The following PLXNA4 variants were observed in gnomAD, a reference collection of about 807,000 sequenced individuals.
The protein encoded by PLXNA4 is plexin A4.
In PLXNA4, 44 loss-of-function variants were observed where a neutral mutation model predicts 191.8. The ratio of observed to expected loss-of-function variants is 0.23; its 90% confidence interval spans 0.18 to 0.29. The LOEUF (loss-of-function observed/expected upper bound fraction) is 0.29. PLXNA4 is among the 10% of genes least tolerant of loss of function. PLXNA4 has a pLI of 1.00. For missense variants in PLXNA4, 1,800 were observed against 2,488.8 expected (o/e 0.72, Z 5.89); for synonymous variants, 1,082 against 1,009.5 (o/e 1.07, Z -1.36).
At chr7:132,539,441 A>C (rs1799980047) in intron 1 of PLXNA4, among the ~76,000 whole-genome samples, 1 of 152,166 alleles carries the variant, frequency 6.6e-6, no homozygotes, top group Non-Finnish European at 1.5e-5. Context: ...CAGAAATGTA[A>C]ATCTCAGGCC....
chr7:132,432,717 G>C (rs1795312225), intron 3 of PLXNA4, among the ~76,000 whole-genome samples: 1 of 152,076 alleles, frequency 6.6e-6, no homozygotes, highest in Non-Finnish European at 1.5e-5. Context: ...TTTGGATAGT[G>C]CGTTCACTTT....
intron 9 of PLXNA4, among the ~76,000 whole-genome samples, chr7:132,212,022 T>C (rs905964269): frequency 2.6e-5 from 4 of 152,182 alleles, no homozygotes; most frequent in African/African-American, 7.2e-5. Context: ...GTCAGTATTC[T>C]AGCTCTTGCT....
At chr7:132,531,902 T>C (rs1482737027) in intron 1 of PLXNA4, among the ~76,000 whole-genome samples, 1 of 152,224 alleles carries the variant, frequency 6.6e-6, no homozygotes, top group Admixed American at 6.5e-5. Flanking sequence ...GGGAGGACAC[T>C]TTGAGAATCA....
chr7:132,598,229 C>G (rs1802753689), intron 2 of PLXNA4, among the ~76,000 whole-genome samples: 1 of 152,172 alleles, frequency 6.6e-6, no homozygotes, highest in Admixed American at 6.5e-5. Flanking sequence ...CTGCCTTGGC[C>G]TCCCCAGTAG....
At chr7:132,516,577 T>C (rs74383847) in intron 1 of PLXNA4, among the ~76,000 whole-genome samples, 1,583 of 152,312 alleles carry the variant, frequency 0.01, 28 homozygotes, top group African/African-American at 0.036. Context: ...CATGCACTCC[T>C]GTATTCAGCC....
intron 11 of PLXNA4, 116 bp from the exon 12 acceptor site, chr7:132,202,952 G>C (rs1280269136): frequency 5.3e-6 from 6 of 1,131,072 alleles, no homozygotes; most frequent in Non-Finnish European, 7.3e-6. Flanking sequence ...CACAAAGGCA[G>C]TTTTGCCCCC....
intron 24 of PLXNA4, among the ~76,000 whole-genome samples, chr7:132,163,337 G>A (rs1796005951): frequency 6.6e-6 from 1 of 152,214 alleles, no homozygotes; most frequent in South Asian, 2.1e-4. Flanking sequence ...TTCACTGCCT[G>A]TTCATCTTGT....
intron 24 of PLXNA4, among the ~76,000 whole-genome samples, chr7:132,161,239 C>CTAAA (rs1584778892): frequency 6.6e-6 from 1 of 152,250 alleles, no homozygotes; most frequent in African/African-American, 2.4e-5. Context: ...AGGCTGCCAC[C>CTAAA]TAAACGTAAT....
intron 1 of PLXNA4, among the ~76,000 whole-genome samples, chr7:132,559,409 C>T (rs1187874473): frequency 6.6e-6 from 1 of 152,094 alleles, no homozygotes; most frequent in Non-Finnish European, 1.5e-5. Context: ...GTAGATCCAT[C>T]GTTTCACTTG....
At chr7:132,200,320 T>C (rs1247173409) in intron 12 of PLXNA4, among the ~76,000 whole-genome samples, 3 of 152,114 alleles carry the variant, frequency 2.0e-5, no homozygotes, top group African/African-American at 7.2e-5. Flanking sequence ...TGGTTTCTTG[T>C]TGAGGGCTCT....
intron 4 of PLXNA4, among the ~76,000 whole-genome samples, chr7:132,289,301 A>T (rs972006223): frequency 2.0e-5 from 3 of 152,142 alleles, no homozygotes; most frequent in Admixed American, 2.0e-4. Context: ...CACCCTCACA[A>T]GGATCCTGAC....
intron 1 of PLXNA4, among the ~76,000 whole-genome samples, chr7:132,538,701 C>T (rs1486989067): frequency 6.6e-6 from 1 of 152,208 alleles, no homozygotes; most frequent in Non-Finnish European, 1.5e-5. Flanking sequence ...GCTGGAAGCA[C>T]CTTCAGGCCA....
chr7:132,590,625 G>A (rs1203183761), intron 2 of PLXNA4, among the ~76,000 whole-genome samples: 3 of 152,186 alleles, frequency 2.0e-5, no homozygotes, highest in Non-Finnish European at 4.4e-5. Context: ...AGCCAGTCTG[G>A]TCTTTCCACG....
At chr7:132,161,654 C>T (rs916421842) in intron 24 of PLXNA4, among the ~76,000 whole-genome samples, 9 of 151,850 alleles carry the variant, frequency 5.9e-5, no homozygotes, top group East Asian at 1.9e-4. Flanking sequence ...CTTCCAGGTG[C>T]GCATCTAGAA....
chr7:132,224,731 G>A (rs1226388873), intron 8 of PLXNA4, among the ~76,000 whole-genome samples: 2 of 152,172 alleles, frequency 1.3e-5, no homozygotes, highest in East Asian at 3.9e-4. Flanking sequence ...TGCCGCAAGA[G>A]GCAAGAGGAG....
At chr7:132,268,517 A>C (rs1799938851) in intron 4 of PLXNA4, among the ~76,000 whole-genome samples, 1 of 152,188 alleles carries the variant, frequency 6.6e-6, no homozygotes, top group African/African-American at 2.4e-5. Context: ...CACTTATGAA[A>C]AATTACCTGA....
chr7:132,395,001 C>CG (rs1793695768), intron 3 of PLXNA4, among the ~76,000 whole-genome samples: 1 of 152,238 alleles, frequency 6.6e-6, no homozygotes, highest in African/African-American at 2.4e-5. Flanking sequence ...CCTGCCTTTC[C>CG]GGGGCAGGTG....
intron 2 of PLXNA4, among the ~76,000 whole-genome samples, chr7:132,639,236 G>C (rs1803669149): frequency 6.6e-6 from 1 of 152,166 alleles, no homozygotes; most frequent in South Asian, 2.1e-4. Flanking sequence ...ATTTAAAAGG[G>C]ACAGTGATAA....
At chr7:132,383,999 G>A (rs1257573201) in intron 3 of PLXNA4, 1 of 985,388 alleles carries the variant, frequency 1.0e-6, no homozygotes, top group Non-Finnish European at 1.2e-6. Context: ...AGGTGCACAT[G>A]GCCTGTTACA....
Sources: gnomAD v4.1 joint callset for allele counts (sites outside exome capture counted in the v4.1 genomes callset) on GRCh38, gnomAD v4.1.1 for gene constraint, MANE v1.5 for transcripts, NCBI Gene and HGNC (gene_info 2026-07-23, HGNC 2026-07-21) for gene names.